Variants in PBX1 observed in about 807,000 individuals in gnomAD.
PBX1 encodes the protein pre-B-cell leukemia transcription factor 1.
In PBX1, 6 loss-of-function variants were observed where a neutral mutation model predicts 53.4. That is an observed-to-expected ratio of 0.11 (90% CI 0.06 to 0.22). The LOEUF (loss-of-function observed/expected upper bound fraction) is 0.22, where lower values mean the gene tolerates loss of function less well. PBX1 is among the 10% of genes least tolerant of loss of function. The pLI is 1.00. For synonymous variants in PBX1, 204 were observed against 212.3 expected (o/e 0.96, Z 0.34); for missense variants, 251 against 551.4 (o/e 0.46, Z 5.46).
At chr1:164,625,015 G>A (rs1657943823) in intron 2 of PBX1, among the ~76,000 whole-genome samples, 1 of 152,098 alleles carries the variant, frequency 6.6e-6, no homozygotes, top group Admixed American at 6.5e-5. Context: ...TCTATAGGGT[G>A]GAAAAATCTC....
chr1:164,610,264 C>T (rs1026571821), intron 2 of PBX1, among the ~76,000 whole-genome samples: 5 of 152,068 alleles, frequency 3.3e-5, no homozygotes, highest in African/African-American at 7.2e-5. Context: ...CTGAGCTTGA[C>T]GGTGGTCCAT....
intron 2 of PBX1, chr1:164,774,365 G>A (rs1667544767): frequency 6.6e-6 from 1 of 152,142 alleles, no homozygotes; most frequent in African/African-American, 2.4e-5. Flanking sequence ...GGTATAAAAG[G>A]AAACCCCCAT....
chr1:164,661,985 T>C (rs1386276723), intron 2 of PBX1, among the ~76,000 whole-genome samples: 3 of 152,178 alleles, frequency 2.0e-5, no homozygotes, highest in African/African-American at 4.8e-5. Flanking sequence ...TTCCAAATCC[T>C]AACAAATCAA....
intron 2 of PBX1, among the ~76,000 whole-genome samples, chr1:164,679,610 T>C (rs541163351): frequency 7.2e-5 from 11 of 152,280 alleles, no homozygotes; most frequent in African/African-American, 2.2e-4. Context: ...TCCAAGGTCA[T>C]TGGATCTGAA....
intron 2 of PBX1, among the ~76,000 whole-genome samples, chr1:164,600,437 T>C (rs1160662360): frequency 2.0e-5 from 3 of 152,082 alleles, no homozygotes; most frequent in Admixed American, 6.5e-5. Context: ...TTAGTAGATA[T>C]GGGGTTTCAC....
Position 164,848,226 on chromosome 1 carries a change from A to G in PBX1, c.*1550A>G. On this transcript the variant is annotated 3_prime_UTR_variant, in exon 9 of 9. Coordinates refer to ENST00000420696, the MANE Select transcript of PBX1 (RefSeq NM_002585.4). ...AAATACATGAGAAAATAGCATGTAT[A>G]TGAAAGCTATTCTCAAAAGTCACCT... 1 of 1,052,260 alleles carries G rather than the reference A, an allele frequency of 9.5e-7. No individual in the cohort carries two copies. The highest frequency in any genetic ancestry group is 1.1e-6 in the Non-Finnish European group (1 of 871,140). The allele number at this position is 1,052,260 out of a possible 1,614,324, so 65.2% of individuals were successfully genotyped here.
chr1:164,745,022 T>G (rs910065798), intron 2 of PBX1, among the ~76,000 whole-genome samples: 1 of 152,160 alleles, frequency 6.6e-6, no homozygotes, highest in African/African-American at 2.4e-5. Context: ...AAGTACTGTT[T>G]CTATTCCCAT....
At chr1:164,736,313 G>A (rs1337467177) in intron 2 of PBX1, among the ~76,000 whole-genome samples, 2 of 152,098 alleles carry the variant, frequency 1.3e-5, no homozygotes, top group Admixed American at 1.3e-4. Context: ...CGCTGGCCCT[G>A]GAATCACTCT....
At chr1:164,603,802 G>A (rs2101807114) in intron 2 of PBX1, among the ~76,000 whole-genome samples, 1 of 152,016 alleles carries the variant, frequency 6.6e-6, no homozygotes, top group Non-Finnish European at 1.5e-5. Context: ...AGTTTAGTCT[G>A]ATGTTTTATA....
chr1:164,710,658 G>A (rs1037349749), intron 2 of PBX1, among the ~76,000 whole-genome samples: 29 of 152,096 alleles, frequency 1.9e-4, no homozygotes, highest in African/African-American at 5.6e-4. Flanking sequence ...TGATCTGCCC[G>A]CCTTGGCCCC....
chr1:164,759,399 A>C lies in PBX1; in HGVS notation c.266-33095A>C, dbSNP rs75163683. 3.3e-3 allele frequency among the ~76,000 whole-genome samples: 509 copies of C among 152,282 alleles called. 4 individuals are homozygous for C. Among genetic ancestry groups the C allele is most frequent in the African/African-American group, 0.012 (493 of 41,558 alleles). On this transcript the variant is annotated intron_variant, in intron 2 of 8. Coordinates refer to ENST00000420696, the MANE Select transcript of PBX1 (RefSeq NM_002585.4). ...AGGGGGTGGGTCACCTTCTGAGTGG[A>C]GGCCCCTAAATCTAATGCCCAAGGA...
intron 2 of PBX1, among the ~76,000 whole-genome samples, chr1:164,686,825 C>T (rs572183590): frequency 9.9e-5 from 15 of 151,884 alleles, no homozygotes; most frequent in African/African-American, 1.9e-4. Flanking sequence ...GGTGTGGTGG[C>T]GGGCGCCTGT....
intron 2 of PBX1, among the ~76,000 whole-genome samples, chr1:164,780,127 G>C (rs528235181): frequency 6.6e-6 from 1 of 152,218 alleles, no homozygotes; most frequent in South Asian, 2.1e-4. Flanking sequence ...TTCTTAGTGG[G>C]GGGCTCCATC....
At chr1:164,630,073 T>G (rs1329819988) in intron 2 of PBX1, among the ~76,000 whole-genome samples, 1 of 152,172 alleles carries the variant, frequency 6.6e-6, no homozygotes, top group Non-Finnish European at 1.5e-5. Flanking sequence ...CGTAAAATTT[T>G]TCCTAATGTT....
At chr1:164,573,905 T>C (rs759609461) in intron 2 of PBX1, among the ~76,000 whole-genome samples, 1 of 152,218 alleles carries the variant, frequency 6.6e-6, no homozygotes, top group Non-Finnish European at 1.5e-5. Context: ...TAACTCCGTT[T>C]TGTTCCTTTT....
At chr1:164,686,758 ACCAT>A in intron 2 of PBX1, among the ~76,000 whole-genome samples, 1 of 152,132 alleles carries the variant, frequency 6.6e-6, no homozygotes, top group Non-Finnish European at 1.5e-5. Flanking sequence ...GGAGATTGAG[ACCAT>A]CCTGGCTAAC....
chr1:164,797,399 T>C (rs533581551), intron 3 of PBX1, among the ~76,000 whole-genome samples: 8 of 152,232 alleles, frequency 5.3e-5, no homozygotes, highest in Admixed American at 5.2e-4. Context: ...AGCCCTCCAC[T>C]CTCCATCCTG....
In PBX1 at chr1:164,776,863, T is replaced by C. The variant is rs116135867; in HGVS notation, c.266-15631T>C. On this transcript the variant is annotated intron_variant, in intron 2 of 8. Transcript: ENST00000420696. ...TATGTATGGCTGGGCTAAAATTTAATATTGAATCTCTGCAGTAAATCTTGT... is the reference window on the plus strand; with the variant it reads ...TATGTATGGCTGGGCTAAAATTTAACATTGAATCTCTGCAGTAAATCTTGT... 2.0e-3 allele frequency among the ~76,000 whole-genome samples: 296 copies of C among 151,468 alleles called. 2 individuals are homozygous for C. Among genetic ancestry groups the C allele is most frequent in the African/African-American group, 6.9e-3 (286 of 41,202 alleles).
intron 2 of PBX1, among the ~76,000 whole-genome samples, chr1:164,761,424 A>G (rs760828303): frequency 7.9e-5 from 12 of 151,874 alleles, no homozygotes; most frequent in Non-Finnish European, 1.3e-4. Flanking sequence ...TAAACATTAA[A>G]CATCGTCTTT....
Sources: allele counts gnomAD v4.1 joint callset (sites outside exome capture counted in the v4.1 genomes callset), GRCh38; gene constraint gnomAD v4.1.1; transcripts MANE v1.5; gene names NCBI Gene and HGNC (gene_info 2026-07-23, HGNC 2026-07-21).